BTBD10: variants seen among roughly 807,000 people sequenced by gnomAD.
BTBD10 encodes BTB domain containing 10, also known as BTB/POZ domain-containing protein 10.
BTBD10 carries 21 observed loss-of-function variants against 53.2 expected under a neutral mutation model. That is an observed-to-expected ratio of 0.39 (90% CI 0.28 to 0.57). The LOEUF (loss-of-function observed/expected upper bound fraction) is 0.57. Ranked by LOEUF, BTBD10 falls within the 20% of genes least tolerant of loss-of-function variation. The pLI, the probability that BTBD10 is intolerant of heterozygous loss-of-function variation, is 0.53. For missense variants in BTBD10, 360 were observed against 594.7 expected (o/e 0.61, Z 4.10); for synonymous variants, 149 against 192.7 (o/e 0.77, Z 1.88).
At chr11:13,415,284 C>T (rs1950074980) in intron 5 of BTBD10, among the ~76,000 whole-genome samples, 1 of 151,956 alleles carries the variant, frequency 6.6e-6, no homozygotes. Flanking sequence ...ACTCAGTATA[C>T]CACTGGAGGC....
intron 2 of BTBD10, among the ~76,000 whole-genome samples, chr11:13,437,191 C>T (rs1196080273): frequency 1.3e-5 from 2 of 152,166 alleles, no homozygotes; most frequent in East Asian, 1.9e-4. Flanking sequence ...CTTTGGTATT[C>T]AGCAGTTACT....
intron 8 of BTBD10, among the ~76,000 whole-genome samples, chr11:13,394,464 T>A (rs1453240826): frequency 6.6e-6 from 1 of 152,236 alleles, no homozygotes; most frequent in Non-Finnish European, 1.5e-5. Context: ...CAGTCATGCT[T>A]CCTGTTAAGC....
intron 2 of BTBD10, among the ~76,000 whole-genome samples, chr11:13,431,547 C>T (rs1334480645): frequency 3.3e-5 from 5 of 151,958 alleles, no homozygotes; most frequent in Non-Finnish European, 7.4e-5. Flanking sequence ...TCTTTAATAC[C>T]AACTTTTCAC....
At chr11:13,454,212 G>C (rs1015912782) in intron 1 of BTBD10, among the ~76,000 whole-genome samples, 11 of 152,114 alleles carry the variant, frequency 7.2e-5, no homozygotes. Context: ...TCATGTTTTA[G>C]TTATTGCAAA....
intron 6 of BTBD10, among the ~76,000 whole-genome samples, chr11:13,406,168 C>T (rs1469291861): frequency 6.6e-6 from 1 of 152,114 alleles, no homozygotes; most frequent in Non-Finnish European, 1.5e-5. Context: ...TATTCCATTT[C>T]CTGCATGCTC....
At chr11:13,425,924 G>A (rs546573740) in intron 2 of BTBD10, among the ~76,000 whole-genome samples, 1 of 152,160 alleles carries the variant, frequency 6.6e-6, no homozygotes, top group East Asian at 1.9e-4. Context: ...ATTAATGGGA[G>A]ATTACACATT....
chr11:13,449,837 C>T (rs1342241336), intron 1 of BTBD10, among the ~76,000 whole-genome samples: 1 of 152,162 alleles, frequency 6.6e-6, no homozygotes, highest in African/African-American at 2.4e-5. Flanking sequence ...AACTGACCAA[C>T]TCCTGAAATT....
At chr11:13,441,441 CT>C (rs1452279256) in intron 2 of BTBD10, among the ~76,000 whole-genome samples, 1 of 151,776 alleles carries the variant, frequency 6.6e-6, no homozygotes, top group East Asian at 1.9e-4. Context: ...ATTTTTTAAT[CT>C]TTTGAAAAAA....
At chr11:13,431,360 A>G (rs927405652) in intron 2 of BTBD10, among the ~76,000 whole-genome samples, 3 of 152,282 alleles carry the variant, frequency 2.0e-5, no homozygotes, top group Non-Finnish European at 4.4e-5. Context: ...AACTTACCAC[A>G]AAAGCCCAAA....
Position 13,388,702 on chromosome 11 carries a change from T to C in BTBD10, c.*129A>G. 9.7e-7 allele frequency: 1 copy of C among 1,033,030 alleles called. No individual in the cohort carries two copies. The highest frequency in any genetic ancestry group is 1.6e-5 in the African/African-American group (1 of 62,890). The allele number at this position is 1,033,030 out of a possible 1,614,324, so 64.0% of individuals were successfully genotyped here. On this transcript the variant is annotated 3_prime_UTR_variant, in exon 9 of 9. Coordinates refer to ENST00000278174, the MANE Select transcript of BTBD10 (RefSeq NM_032320.7). Reference sequence around the variant, plus strand: ...GCTACCTTTGGTCTTTAAAAAAGCCTACACTGCAATATCCTAAACATTGTT... The same window carrying C: ...GCTACCTTTGGTCTTTAAAAAAGCCCACACTGCAATATCCTAAACATTGTT...
chr11:13,460,063 T>A (rs1951061922), intron 1 of BTBD10, among the ~76,000 whole-genome samples: 1 of 152,184 alleles, frequency 6.6e-6, no homozygotes, highest in African/African-American at 2.4e-5. Flanking sequence ...AATACATATC[T>A]CCTCTTCTTT....
At chr11:13,391,606 T>C (rs963010050) in intron 8 of BTBD10, among the ~76,000 whole-genome samples, 2 of 152,238 alleles carry the variant, frequency 1.3e-5, no homozygotes, top group African/African-American at 4.8e-5. Context: ...AAAGAGTGAA[T>C]GAACTACCAG....
At chr11:13,435,921 T>C (rs1187733872) in intron 2 of BTBD10, among the ~76,000 whole-genome samples, 1 of 152,162 alleles carries the variant, frequency 6.6e-6, no homozygotes, top group Non-Finnish European at 1.5e-5. Flanking sequence ...GTATCAAAAA[T>C]AAAAATCTAT....
intron 8 of BTBD10, among the ~76,000 whole-genome samples, chr11:13,400,142 A>G (rs1387094045): frequency 6.6e-6 from 1 of 152,176 alleles, no homozygotes; most frequent in African/African-American, 2.4e-5. Context: ...CCTGCCCCCA[A>G]AGGGGGAGCC....
At chr11:13,391,629 A>G (rs1254306289) in intron 8 of BTBD10, among the ~76,000 whole-genome samples, 1 of 152,222 alleles carries the variant, frequency 6.6e-6, no homozygotes, top group Non-Finnish European at 1.5e-5. Context: ...TATGCCAGTT[A>G]TAAGTAATAA....
intron 1 of BTBD10, among the ~76,000 whole-genome samples, chr11:13,455,288 A>G (rs1392348583): frequency 6.6e-6 from 1 of 152,208 alleles, no homozygotes; most frequent in Admixed American, 6.5e-5. Context: ...TCAACCCTTA[A>G]TGTTCCAGAG....
chr11:13,405,820 C>T lies in BTBD10; in HGVS notation c.845G>A (p.Arg282His), dbSNP rs375035238. ...TTCCAGATAAAATTCAAATTGTCTACGAGCACCATCATTTGATAACTCATG... is the reference window on the plus strand; with the variant it reads ...TTCCAGATAAAATTCAAATTGTCTATGAGCACCATCATTTGATAACTCATG... ...LMHELSNDGA[R>H]RQFEFYLEEM... The change falls in exon 7 of 9, where the codon CGT becomes CAT. Residue 282 changes from arginine (R) to histidine (H), a missense_variant. By Grantham distance (29) the Arg-to-His change is conservative (BLOSUM62 0). Around this residue, in one of 6 missense-constraint regions of BTBD10, gnomAD observed 91 missense variants for 171.7 expected, o/e 0.53. Transcript: ENST00000278174. 5.0e-6 allele frequency: 8 copies of T among 1,613,532 alleles called. No individual in the cohort carries two copies. Among genetic ancestry groups the T allele is most frequent in the South Asian group, 1.1e-5 (1 of 91,054 alleles).
Position 13,434,298 on chromosome 11 carries a change from A to G in BTBD10, c.101+10726T>C, listed in dbSNP as rs558651406. Among the ~76,000 whole-genome samples the G allele has an allele frequency of 1.3e-4, 20 of 152,332 alleles. No individual in the cohort carries two copies. The East Asian group carries it at 3.9e-3, about 29-fold the overall frequency. ...CATATGGTGATAAATGTTATAAGGA[A>G]AAATAAAGGTAATAAAAAAAGAGTG... On this transcript the variant is annotated intron_variant, in intron 2 of 8. Transcript: ENST00000278174.
At chr11:13,403,656 T>C (rs1287142037) in intron 7 of BTBD10, among the ~76,000 whole-genome samples, 2 of 152,216 alleles carry the variant, frequency 1.3e-5, no homozygotes, top group African/African-American at 2.4e-5. Context: ...TTTGCTAAGA[T>C]GTCTACAAGG....
Sources: allele counts gnomAD v4.1 joint callset (sites outside exome capture counted in the v4.1 genomes callset), GRCh38; gene constraint gnomAD v4.1.1; regional missense constraint gnomAD v4.1.1; transcripts MANE v1.5; gene names NCBI Gene and HGNC (gene_info 2026-07-23, HGNC 2026-07-21).